Variants in PLB1 observed in about 807,000 individuals in gnomAD.
The protein encoded by PLB1 is phospholipase B1.
PLB1 carries 242 observed loss-of-function variants against 227.4 expected under a neutral mutation model. The observed-to-expected ratio is 1.06, with a 90% confidence interval of 0.96 to 1.18. The LOEUF (loss-of-function observed/expected upper bound fraction) is 1.18, where lower values mean the gene tolerates loss of function less well. PLB1 is among the 50% of genes most tolerant of loss of function. The pLI is 0.00. For synonymous variants in PLB1, 757 were observed against 682.2 expected (o/e 1.11, Z -1.71); for missense variants, 1,858 against 1,816.3 (o/e 1.02, Z -0.42).
At chr2:28,605,254 C>G (rs983819632) in intron 41 of PLB1, among the ~76,000 whole-genome samples, 2 of 152,140 alleles carry the variant, frequency 1.3e-5, no homozygotes, top group Admixed American at 1.3e-4. Flanking sequence ...CCTGGCACTT[C>G]CACTCTGAAC....
intron 5 of PLB1, 77 bp from the exon 6 acceptor site, chr2:28,525,828 A>T (rs1473182523): frequency 1.3e-6 from 2 of 1,550,366 alleles, no homozygotes; most frequent in African/African-American, 2.7e-5. Context: ...TATGAAATAG[A>T]CCACAGCCAA....
intron 17 of PLB1, among the ~76,000 whole-genome samples, chr2:28,558,749 GGGA>G (rs990233379): frequency 7.2e-5 from 11 of 152,076 alleles, no homozygotes; most frequent in African/African-American, 2.7e-4. Flanking sequence ...CATGGCGGTG[GGGA>G]GGAGAAAGAA....
chr2:28,522,175 A>T (rs141446224), intron 4 of PLB1, among the ~76,000 whole-genome samples: 12 of 151,858 alleles, frequency 7.9e-5, no homozygotes, highest in Admixed American at 3.3e-4. Context: ...TGAGCACTGG[A>T]TGAAGCTGGC....
chr2:28,503,362 C>T (rs970945605), intron 1 of PLB1, among the ~76,000 whole-genome samples: 6 of 152,028 alleles, frequency 3.9e-5, no homozygotes, highest in Admixed American at 3.3e-4. Flanking sequence ...ACTATCTTTC[C>T]CAGGCTGGTC....
At chr2:28,630,094 C>T (rs1249050929) in intron 53 of PLB1, among the ~76,000 whole-genome samples, 1 of 152,184 alleles carries the variant, frequency 6.6e-6, no homozygotes, top group African/African-American at 2.4e-5. Context: ...CCCAGCTTTC[C>T]CACAGACTTC....
At chr2:28,496,248 T>A in intron 1 of PLB1, 79 bp downstream of exon 1, 1 of 1,362,108 alleles carries the variant, frequency 7.3e-7, no homozygotes, top group Non-Finnish European at 1.0e-6. Context: ...AATGGGTGTG[T>A]GAGAGGAGTG....
rs1681973691 is a variant in PLB1, at chr2:28,591,703, C to T, written c.2131C>T (p.His711Tyr). The change falls in exon 31 of 58, where the codon CAT becomes TAT. Residue 711 changes from histidine (H) to tyrosine (Y), a missense_variant. His to Tyr is a moderately conservative substitution (Grantham distance 83, BLOSUM62 2). Coordinates refer to ENST00000327757, the MANE Select transcript of PLB1 (RefSeq NM_153021.5). The stretch of plus-strand genomic sequence containing the variant: ...GGGATTTGTTCTATGCCCTTAGGGT[C>T]ATGGGACCTGGCTGCCATGCAGGGA... ...LRTYKNSMQG[H>Y]GTWLPCRDRA... 6.2e-7 allele frequency: 1 copy of T among 1,613,822 alleles called. No individual in the cohort carries two copies. The highest frequency in any genetic ancestry group is 1.3e-5 in the African/African-American group (1 of 74,908).
intron 21 of PLB1, 56 bp from the exon 22 acceptor site, chr2:28,578,051 A>T (rs900694446): frequency 1.3e-6 from 2 of 1,544,030 alleles, no homozygotes; most frequent in Non-Finnish European, 1.8e-6. Context: ...TCTCTCTGCT[A>T]AGGGCCCCTG....
At chr2:28,569,066 G>A (rs1212640923) in intron 20 of PLB1, among the ~76,000 whole-genome samples, 2 of 152,156 alleles carry the variant, frequency 1.3e-5, no homozygotes, top group African/African-American at 2.4e-5. Context: ...CAAACCTCAA[G>A]GAATGAGTCC....
rs201666780 is a variant in PLB1 at position 28,563,108 on chromosome 2, C to T, written c.1206+9C>T. On this transcript the variant is annotated intron_variant, in intron 18 of 57. Transcript: ENST00000327757. ...TGGGTGACTCTCTCACGGTAAGTGA[C>T]CCTGATGCAGAAGGGGCAGGAGGGG... 1.7e-5 allele frequency: 28 copies of T among 1,610,292 alleles called. No individual in the cohort carries two copies. The highest frequency in any genetic ancestry group is 2.4e-5 in the Non-Finnish European group (28 of 1,176,578).
At chr2:28,549,019 T>TA (rs1273532884) in intron 15 of PLB1, 88 bp downstream of exon 15, 1 of 1,148,854 alleles carries the variant, frequency 8.7e-7, no homozygotes, top group African/African-American at 1.5e-5. Flanking sequence ...AAGTGGGTCT[T>TA]ACCTGAGATG....
At position 28,529,695 on chromosome 2, in the gene PLB1, C is replaced by T. The variant is rs373736486; in HGVS notation, c.417-33C>T. 2.1e-5 allele frequency: 34 copies of T among 1,608,304 alleles called. No homozygotes were observed. In the African/African-American group the frequency reaches 4.0e-4, roughly 19 times the overall value. ...CAGCCCTTAACAAAATAATATTTAG[C>T]CAATTTTTCTCTGTTTCCCTCCCTC... On this transcript the variant is annotated intron_variant, in intron 7 of 57. Transcript: ENST00000327757.
Position 28,633,929 on chromosome 2 carries a change from A to G in PLB1, c.4098+890A>G, listed in dbSNP as rs143808766. ...TTCCAGCTCCTTTTATCACAGTTTCAGGCCCATAGTGTCTCTGCCAACCAC... is the reference window on the plus strand; with the variant it reads ...TTCCAGCTCCTTTTATCACAGTTTCGGGCCCATAGTGTCTCTGCCAACCAC... On this transcript the variant is annotated intron_variant, in intron 56 of 57. Coordinates refer to ENST00000327757, the MANE Select transcript of PLB1 (RefSeq NM_153021.5). 1.2e-4 allele frequency among the ~76,000 whole-genome samples: 19 copies of G among 152,304 alleles called. No individual in the cohort carries two copies. The East Asian group carries it at 3.5e-3, about 28-fold the overall frequency.
intron 26 of PLB1, 101 bp downstream of exon 26, chr2:28,585,943 G>T (rs954139392): frequency 1.9e-6 from 2 of 1,077,484 alleles, no homozygotes; most frequent in Admixed American, 3.6e-5. Flanking sequence ...GACCCTGTGT[G>T]GGGGATGACC....
At chr2:28,588,402 C>T (rs1681283116) in intron 26 of PLB1, among the ~76,000 whole-genome samples, 1 of 152,222 alleles carries the variant, frequency 6.6e-6, no homozygotes, top group Non-Finnish European at 1.5e-5. Context: ...GACCTTCTCT[C>T]CTTTCCTCAT....
intron 14 of PLB1, among the ~76,000 whole-genome samples, chr2:28,545,127 C>T (rs1425535789): frequency 1.3e-5 from 2 of 152,180 alleles, no homozygotes; most frequent in African/African-American, 4.8e-5. Flanking sequence ...GAAGGTCTCA[C>T]CCTCAAGGCC....
chr2:28,540,568 C>A, intron 12 of PLB1, 127 bp downstream of exon 12: 1 of 745,830 alleles, frequency 1.3e-6, no homozygotes, highest in Non-Finnish European at 2.3e-6. Flanking sequence ...GAATTCAGGA[C>A]TAAGTCAGGA....
At chr2:28,593,195 C>A (rs1283243993) in intron 32 of PLB1, among the ~76,000 whole-genome samples, 2 of 152,100 alleles carry the variant, frequency 1.3e-5, no homozygotes, top group Non-Finnish European at 2.9e-5. Flanking sequence ...TCATCACTTT[C>A]CAGGAGCATG....
At chr2:28,630,547 G>C in intron 53 of PLB1, 39 bp from the exon 54 acceptor site, 1 of 1,573,748 alleles carries the variant, frequency 6.4e-7, no homozygotes, top group Non-Finnish European at 8.7e-7. Context: ...GAGCCACAGT[G>C]CCCCAGGCAG....
Sources: allele counts gnomAD v4.1 joint callset (sites outside exome capture counted in the v4.1 genomes callset), GRCh38; gene constraint gnomAD v4.1.1; transcripts MANE v1.5; gene names NCBI Gene and HGNC (gene_info 2026-07-23, HGNC 2026-07-21).